The following A4GALT variants were observed in gnomAD, a reference collection of about 807,000 sequenced individuals.
A4GALT encodes alpha 1,4-galactosyltransferase (P1PK blood group), also known as lactosylceramide 4-alpha-galactosyltransferase.
For synonymous variants in A4GALT, 257 were observed against 220.7 expected, an observed-to-expected ratio of 1.16 and a Z score of -1.46; for missense variants, 512 against 486.0, an observed-to-expected ratio of 1.05 and a Z score of -0.50.
intron 1 of A4GALT, among the ~76,000 whole-genome samples, chr22:42,709,073 T>A (rs1396051845): frequency 1.2e-5 from 1 of 81,530 alleles, no homozygotes; most frequent in Non-Finnish European, 3.4e-5. Flanking sequence ...ATATATTTTT[T>A]TTAAGACAGG....
chr22:42,696,529 G>A (rs1455793898), intron 1 of A4GALT, among the ~76,000 whole-genome samples: 1 of 152,164 alleles, frequency 6.6e-6, no homozygotes, highest in East Asian at 1.9e-4. Flanking sequence ...AGATGGAGGA[G>A]ACAGTGGTGG....
At chr22:42,715,091 C>T (rs557107839) in intron 1 of A4GALT, among the ~76,000 whole-genome samples, 66 of 151,548 alleles carry the variant, frequency 4.4e-4, no homozygotes, top group African/African-American at 1.6e-3. Flanking sequence ...GGAGGGTGGG[C>T]CACAGGGGGC....
intron 1 of A4GALT, among the ~76,000 whole-genome samples, chr22:42,712,772 G>C (rs1048346236): frequency 6.6e-6 from 1 of 152,204 alleles, no homozygotes; most frequent in African/African-American, 2.4e-5. Context: ...GGCTGGGCGT[G>C]GTGGCGGAAG....
At position 42,693,544 on chromosome 22, in the gene A4GALT, G is replaced by C. The variant is rs1447595402; in HGVS notation, c.408C>G (p.Phe136Leu). 2 of 1,613,458 alleles carry C rather than the reference G, an allele frequency of 1.2e-6. No homozygotes were observed. The highest frequency in any genetic ancestry group is 2.2e-5 in the South Asian group (2 of 91,082). The part of the protein sequence containing the change: ...RHLGISLLSC[F>L]PNVQMLPLDL... ...CCAGCGGGAGCATCTGGACATTCGG[G>C]AAGCAGCTCAGAAGTGAGATGCCCA... Residue 136 changes from phenylalanine to leucine, a missense_variant, in exon 3 of 3, where the codon TTC becomes TTG. Phe to Leu is a conservative substitution (Grantham distance 22). Coordinates refer to ENST00000642412, the MANE Select transcript of A4GALT (RefSeq NM_017436.7).
At chr22:42,698,326 G>A (rs1931079648) in intron 1 of A4GALT, among the ~76,000 whole-genome samples, 1 of 152,052 alleles carries the variant, frequency 6.6e-6, no homozygotes, top group Admixed American at 6.5e-5. Context: ...CTACCAGCCA[G>A]GTTCTTGGCA....
At chr22:42,713,834 A>G (rs1181573893) in intron 1 of A4GALT, among the ~76,000 whole-genome samples, 1 of 130,194 alleles carries the variant, frequency 7.7e-6, no homozygotes, top group African/African-American at 2.6e-5. Context: ...AAAAAAAGAC[A>G]GACAGACAGA....
At position 42,708,060 on chromosome 22, in the gene A4GALT, CCTGA is replaced by C. The variant is rs1263355647; in HGVS notation, c.-187-12433_-187-12430del. ...CCTGAGGTTGGGAGTTCAAGACCAGCCTGACTAACATGGAGAAACCCCATCTCTA... is the reference window on the plus strand; with the variant it reads ...CCTGAGGTTGGGAGTTCAAGACCAGCCTAACATGGAGAAACCCCATCTCTA... On this transcript the variant is annotated intron_variant, in intron 1 of 2. Transcript: ENST00000642412. Among the ~76,000 whole-genome samples the C allele has an allele frequency of 3.3e-5, 5 of 151,934 alleles. No individual in the cohort carries two copies. The East Asian group carries it at 7.7e-4, about 23-fold the overall frequency.
chr22:42,702,879 C>G lies in A4GALT; in HGVS notation c.-187-7248G>C, dbSNP rs117715445. Among the ~76,000 whole-genome samples, 772 of 143,922 alleles carry G rather than the reference C, an allele frequency of 5.4e-3. 48 individuals carry two copies. Among genetic ancestry groups the G allele is most frequent in the Admixed American group, 9.4e-3 (141 of 15,068 alleles). The allele number at this position is 143,922 out of a possible 152,430, so 94.4% of individuals were successfully genotyped here. A position where few individuals can be genotyped will look rare whatever the true frequency, so the allele number is the denominator to read the frequency against. On this transcript the variant is annotated intron_variant, in intron 1 of 2. Transcript: ENST00000642412. ...GCAGGTTGTCTTAGCTCAGCCTGACCCCCAGTGAGGGATGCGGGGATTACT... is the reference window on the plus strand; with the variant it reads ...GCAGGTTGTCTTAGCTCAGCCTGACGCCCAGTGAGGGATGCGGGGATTACT...
At chr22:42,703,497 A>G (rs1236839463) in intron 1 of A4GALT, among the ~76,000 whole-genome samples, 2 of 151,754 alleles carry the variant, frequency 1.3e-5, no homozygotes, top group African/African-American at 4.8e-5. Flanking sequence ...CTCGTGATCT[A>G]CTGGCCTCGG....
intron 1 of A4GALT, among the ~76,000 whole-genome samples, chr22:42,697,697 A>C (rs1466924071): frequency 6.6e-6 from 1 of 151,948 alleles, no homozygotes; most frequent in Non-Finnish European, 1.5e-5. Context: ...TATCCAGGTG[A>C]CCTCAGGCCC....
intron 1 of A4GALT, among the ~76,000 whole-genome samples, chr22:42,700,272 G>A (rs558467399): frequency 1.3e-5 from 2 of 152,286 alleles, no homozygotes; most frequent in South Asian, 2.1e-4. Flanking sequence ...AGGTTCAGCC[G>A]ACAGCAGGAG....
intron 1 of A4GALT, among the ~76,000 whole-genome samples, chr22:42,703,539 C>A (rs1438740987): frequency 6.6e-6 from 1 of 152,118 alleles, no homozygotes; most frequent in African/African-American, 2.4e-5. Context: ...CAGGTGTGAG[C>A]CACTGTGCCC....
rs1323838382 is a variant in A4GALT, at chr22:42,702,579, C to T, written c.-187-6948G>A. Among the ~76,000 whole-genome samples the T allele has an allele frequency of 2.0e-5, 3 of 152,296 alleles. No individual in the cohort carries two copies. In the East Asian group the frequency reaches 5.8e-4, roughly 29 times the overall value. On this transcript the variant is annotated intron_variant, in intron 1 of 2. Coordinates refer to ENST00000642412, the MANE Select transcript of A4GALT (RefSeq NM_017436.7). ...CTGGAACTCCTGACCTCGGGTGATCCGCCCACCTCGGCCTCCCAAAGTGCT... is the reference window on the plus strand; with the variant it reads ...CTGGAACTCCTGACCTCGGGTGATCTGCCCACCTCGGCCTCCCAAAGTGCT...
At chr22:42,703,106 C>CTGTA (rs1555887020) in intron 1 of A4GALT, among the ~76,000 whole-genome samples, 1 of 134,036 alleles carries the variant, frequency 7.5e-6, no homozygotes, top group Non-Finnish European at 1.5e-5. Flanking sequence ...TGCTGCCCCA[C>CTGTA]TGTGTGTGTG....
chr22:42,708,624 G>A (rs550668616), intron 1 of A4GALT, among the ~76,000 whole-genome samples: 201 of 146,296 alleles, frequency 1.4e-3, no homozygotes, highest in Non-Finnish European at 2.2e-3. Flanking sequence ...ATAAGCGGTA[G>A]AACTAATAAA....
At chr22:42,708,513 C>T (rs888010924) in intron 1 of A4GALT, among the ~76,000 whole-genome samples, 6 of 131,810 alleles carry the variant, frequency 4.6e-5, no homozygotes, top group African/African-American at 8.3e-5. Context: ...CTGTATGACA[C>T]GGCAAGACCC....
intron 1 of A4GALT, among the ~76,000 whole-genome samples, chr22:42,702,984 A>G (rs1920933260): frequency 8.7e-6 from 1 of 115,018 alleles, no homozygotes; most frequent in Non-Finnish European, 1.7e-5. Flanking sequence ...GCCGGGGTAC[A>G]TCACAGTGTG....
chr22:42,716,434 C>T (rs1175576274), intron 1 of A4GALT, among the ~76,000 whole-genome samples: 3 of 152,168 alleles, frequency 2.0e-5, no homozygotes, highest in African/African-American at 7.2e-5. Context: ...ATTTTCTGAG[C>T]ACTGACCATG....
chr22:42,697,236 G>C (rs1452234756), intron 1 of A4GALT, among the ~76,000 whole-genome samples: 1 of 152,074 alleles, frequency 6.6e-6, no homozygotes, highest in Non-Finnish European at 1.5e-5. Flanking sequence ...TGACCAGTAA[G>C]AGTGAACCAA....
Sources: allele counts gnomAD v4.1 joint callset (sites outside exome capture counted in the v4.1 genomes callset), GRCh38; gene constraint gnomAD v4.1.1; transcripts MANE v1.5; gene names NCBI Gene and HGNC (gene_info 2026-07-23, HGNC 2026-07-21).